Variants in RTN1 observed in about 807,000 individuals in gnomAD.
The protein encoded by RTN1 is reticulon-1.
In RTN1, 25 loss-of-function variants were observed where a neutral mutation model predicts 65.5. The ratio of observed to expected loss-of-function variants is 0.38; its 90% CI spans 0.28 to 0.53. The LOEUF (loss-of-function observed/expected upper bound fraction) is 0.53, where lower values mean the gene tolerates loss of function less well. Among genes scored for constraint, RTN1 ranks in the 20% least tolerant of loss-of-function variants. RTN1 has a pLI of 0.79. For missense variants in RTN1, 983 were observed against 1,025.4 expected (o/e 0.96, Z 0.57); for synonymous variants, 471 against 447.6 (o/e 1.05, Z -0.66).
rs191911846 is a variant in RTN1, at chr14:59,626,006, T to A, written c.1766-18514A>T. Among the ~76,000 whole-genome samples, 8 of 152,284 alleles carry A rather than the reference T, an allele frequency of 5.3e-5. No homozygotes were observed. In the East Asian group the frequency reaches 1.3e-3, roughly 26 times the overall value. On this transcript the variant is annotated intron_variant, in intron 3 of 8. Transcript: ENST00000267484. Reference sequence around the variant, plus strand: ...TCTTTAGAGCCAGGGAGTCTGCAATTGTTAATATTTACATTGTAATATTTG... The same window carrying A: ...TCTTTAGAGCCAGGGAGTCTGCAATAGTTAATATTTACATTGTAATATTTG...
intron 3 of RTN1, among the ~76,000 whole-genome samples, chr14:59,687,122 G>A (rs947634932): frequency 6.6e-6 from 1 of 152,196 alleles, no homozygotes; most frequent in African/African-American, 2.4e-5. Context: ...GTAAGCCAGG[G>A]CTAGCTTGGC....
intron 1 of RTN1, among the ~76,000 whole-genome samples, chr14:59,800,337 T>C (rs115426766): frequency 0.012 from 1,856 of 152,338 alleles, 35 homozygotes; most frequent in African/African-American, 0.041. Flanking sequence ...CTCTATTATT[T>C]TTTGATGTTT....
At chr14:59,663,426 A>C (rs1050119712) in intron 3 of RTN1, among the ~76,000 whole-genome samples, 1 of 152,260 alleles carries the variant, frequency 6.6e-6, no homozygotes, top group African/African-American at 2.4e-5. Flanking sequence ...GCATGGGCAA[A>C]GACTTCATGA....
At chr14:59,687,483 A>C (rs527883593) in intron 3 of RTN1, among the ~76,000 whole-genome samples, 2 of 149,340 alleles carry the variant, frequency 1.3e-5, no homozygotes, top group African/African-American at 4.9e-5. Flanking sequence ...ACCTGCTCCC[A>C]AAGACTAGTA....
At chr14:59,705,042 C>T (rs1331583231) in intron 3 of RTN1, among the ~76,000 whole-genome samples, 1 of 152,076 alleles carries the variant, frequency 6.6e-6, no homozygotes, top group African/African-American at 2.4e-5. Context: ...GGAAATATGG[C>T]GGATTTAAAT....
chr14:59,674,731 C>T (rs1488445042), intron 3 of RTN1, among the ~76,000 whole-genome samples: 1 of 152,128 alleles, frequency 6.6e-6, no homozygotes, highest in South Asian at 2.1e-4. Context: ...AAAGAAAAAA[C>T]CTGGACATTG....
intron 3 of RTN1, among the ~76,000 whole-genome samples, chr14:59,687,614 C>A (rs1566685452): frequency 6.6e-6 from 1 of 151,952 alleles, no homozygotes; most frequent in African/African-American, 2.4e-5. Context: ...GCAGCCTAAG[C>A]TGCCCTACCT....
rs1021080872 is a variant in RTN1 at position 59,803,735 on chromosome 14, T to C, written c.242-57254A>G. Among the ~76,000 whole-genome samples, 1 of 152,210 alleles carries C rather than the reference T, an allele frequency of 6.6e-6. No homozygotes were observed. Among genetic ancestry groups the C allele is most frequent in the Admixed American group, 6.5e-5 (1 of 15,276 alleles). Reference sequence around the variant, plus strand: ...TTCCTTTCCTGAGCTGCGCTACCTGTGACCTGAGGAAAAACAGCAGCAAAT... The same window carrying C: ...TTCCTTTCCTGAGCTGCGCTACCTGCGACCTGAGGAAAAACAGCAGCAAAT... On this transcript the variant is annotated intron_variant, in intron 1 of 8. Coordinates refer to ENST00000267484, the MANE Select transcript of RTN1 (RefSeq NM_021136.3). The surrounding 1 kb of genome is among the most constrained non-coding windows in gnomAD (Gnocchi z 5.6).
rs767836974 is a variant in RTN1, at chr14:59,870,457, C to G, written c.174G>C (p.Ala58=). ...GGCCCGAGCCGGCTTCCCGCGACGC[C>G]GCTTCCCGGGCCCTGGCGCCCAACC... ...SPGLGARARE[A]ASREAGSGPA... is the part of the protein sequence containing the mutation. The change falls in exon 1 of 9, where the codon GCG becomes GCC. Residue 58 remains alanine, a synonymous_variant. Coordinates refer to ENST00000267484, the MANE Select transcript of RTN1 (RefSeq NM_021136.3). This position sits in a 1 kb window ranked among gnomAD's most constrained non-coding sequence, Gnocchi z 5.1. 3 of 1,496,416 alleles carry G rather than the reference C, an allele frequency of 2.0e-6. No homozygotes were observed. Among genetic ancestry groups the G allele is most frequent in the Non-Finnish European group, 2.6e-6 (3 of 1,132,646 alleles). The allele number at this position is 1,496,416 out of a possible 1,614,324, so 92.7% of individuals were successfully genotyped here.
At chr14:59,689,693 A>G (rs911677719) in intron 3 of RTN1, among the ~76,000 whole-genome samples, 1 of 152,202 alleles carries the variant, frequency 6.6e-6, no homozygotes, top group Non-Finnish European at 1.5e-5. Flanking sequence ...CAAGAACTTC[A>G]TATCCCACCA....
At chr14:59,723,933 C>T (rs1417249057) in intron 3 of RTN1, among the ~76,000 whole-genome samples, 1 of 152,254 alleles carries the variant, frequency 6.6e-6, no homozygotes, top group Admixed American at 6.5e-5. Context: ...AAGTATTCTA[C>T]AATCACATAG....
chr14:59,751,129 T>G (rs1885511497), intron 1 of RTN1, among the ~76,000 whole-genome samples: 1 of 151,848 alleles, frequency 6.6e-6, no homozygotes, highest in African/African-American at 2.4e-5. Context: ...AGCAAGTGAC[T>G]TAATTTTGTG....
chr14:59,654,169 T>G (rs1883073251), intron 3 of RTN1, among the ~76,000 whole-genome samples: 1 of 152,160 alleles, frequency 6.6e-6, no homozygotes, highest in South Asian at 2.1e-4. Flanking sequence ...CTCATGCCTG[T>G]AATCCTAGTG....
At chr14:59,675,752 C>G (rs1414470941) in intron 3 of RTN1, among the ~76,000 whole-genome samples, 1 of 151,838 alleles carries the variant, frequency 6.6e-6, no homozygotes, top group African/African-American at 2.4e-5. Flanking sequence ...TTCCAACACC[C>G]AGGGATCCCA....
rs941434856 is a variant in RTN1 at position 59,664,086 on chromosome 14, C to A, written c.1766-56594G>T. ...CCAACCGAAATGCCCAGCAATGATA[C>A]GCTGGATAAAGAAAATGTGGCATAT... On this transcript the variant is annotated intron_variant, in intron 3 of 8. Coordinates refer to ENST00000267484, the MANE Select transcript of RTN1 (RefSeq NM_021136.3). Among the ~76,000 whole-genome samples, 4 of 151,988 alleles carry A rather than the reference C, an allele frequency of 2.6e-5. No individual in the cohort carries two copies. In the East Asian group the frequency reaches 7.7e-4, roughly 29 times the overall value.
chr14:59,667,965 A>C (rs1382108213), intron 3 of RTN1, among the ~76,000 whole-genome samples: 1 of 152,238 alleles, frequency 6.6e-6, no homozygotes, highest in Non-Finnish European at 1.5e-5. Context: ...GACACGAACA[A>C]ATGGAAGAAT....
rs192058836 is a variant in RTN1 at position 59,747,395 on chromosome 14, A to G, written c.242-914T>C. 6.6e-3 allele frequency among the ~76,000 whole-genome samples: 1,006 copies of G among 152,356 alleles called. 16 individuals are homozygous for G. The highest frequency in any genetic ancestry group is 0.024 in the African/African-American group (981 of 41,578). Reference sequence around the variant, plus strand: ...GAGGCCGAGGCAGGCGGATCTCCTGAGGTCGGGAGTTCGTAGACCAGCCTG... The same window carrying G: ...GAGGCCGAGGCAGGCGGATCTCCTGGGGTCGGGAGTTCGTAGACCAGCCTG... On this transcript the variant is annotated intron_variant, in intron 1 of 8. Coordinates refer to ENST00000267484, the MANE Select transcript of RTN1 (RefSeq NM_021136.3).
At chr14:59,792,028 G>C (rs1886357882) in intron 1 of RTN1, among the ~76,000 whole-genome samples, 1 of 152,106 alleles carries the variant, frequency 6.6e-6, no homozygotes, top group African/African-American at 2.4e-5. Flanking sequence ...CAGTAGAGCA[G>C]AATGTAAGAG....
At position 59,724,909 on chromosome 14, in the gene RTN1, T is replaced by C. The variant is rs553856764; in HGVS notation, c.1765+2010A>G. On this transcript the variant is annotated intron_variant, in intron 3 of 8. Transcript: ENST00000267484. ...AATGGCCTTTTAGACTCTTCATAGA[T>C]AGTGCAGTGGAGCAGTGAGTTTCAG... is the stretch of plus-strand genomic sequence containing the variant. Among the ~76,000 whole-genome samples the C allele has an allele frequency of 1.1e-4, 17 of 152,216 alleles. No individual in the cohort carries two copies. In the East Asian group the frequency reaches 2.9e-3, roughly 26 times the overall value.
Sources: allele counts gnomAD v4.1 joint callset (sites outside exome capture counted in the v4.1 genomes callset), GRCh38; gene constraint gnomAD v4.1.1; non-coding constraint Gnocchi (gnomAD v3.1); transcripts MANE v1.5; gene names NCBI Gene and HGNC (gene_info 2026-07-23, HGNC 2026-07-21).